Variants in ADGRB3 observed in about 807,000 individuals in gnomAD.
ADGRB3 encodes brain-specific angiogenesis inhibitor 3.
In ADGRB3, 37 loss-of-function variants were observed where a neutral mutation model predicts 193.4. The ratio of observed to expected loss-of-function variants is 0.19; its 90% CI spans 0.15 to 0.25. The LOEUF (loss-of-function observed/expected upper bound fraction) is 0.25. Among genes scored for constraint, ADGRB3 ranks in the 10% least tolerant of loss-of-function variants. The probability of loss-of-function intolerance (pLI) is 1.00; values close to 1 mark genes in which losing one functional copy is unlikely to be tolerated. For missense variants in ADGRB3, 1,637 were observed against 1,852.9 expected (o/e 0.88, Z 2.14); for synonymous variants, 690 against 644.2 (o/e 1.07, Z -1.08).
intron 3 of ADGRB3, among the ~76,000 whole-genome samples, chr6:68,660,547 T>C (rs1020990428): frequency 8.6e-5 from 13 of 151,034 alleles, no homozygotes; most frequent in Non-Finnish European, 1.8e-4. Flanking sequence ...GCCACTCAAA[T>C]TGATATTCCA....
intron 3 of ADGRB3, among the ~76,000 whole-genome samples, chr6:68,808,020 A>G (rs916717773): frequency 6.6e-6 from 1 of 152,200 alleles, no homozygotes; most frequent in Non-Finnish European, 1.5e-5. Context: ...CCTTTAAGAA[A>G]GGACTAAAAT....
At chr6:69,277,302 C>T (rs1046628474) in intron 20 of ADGRB3, among the ~76,000 whole-genome samples, 5 of 151,988 alleles carry the variant, frequency 3.3e-5, no homozygotes, top group Non-Finnish European at 7.4e-5. Flanking sequence ...CCACTCTAGT[C>T]TTTCTTAAGC....
intron 3 of ADGRB3, among the ~76,000 whole-genome samples, chr6:68,661,485 A>ATATATGTGTG (rs1491017462): frequency 1.1e-5 from 1 of 90,632 alleles, no homozygotes; most frequent in African/African-American, 3.8e-5. Flanking sequence ...GTGTATACAT[A>ATATATGTGTG]TATATATGTG....
At chr6:69,040,904 CT>C (rs1771047607) in intron 13 of ADGRB3, among the ~76,000 whole-genome samples, 1 of 152,056 alleles carries the variant, frequency 6.6e-6, no homozygotes, top group South Asian at 2.1e-4. Flanking sequence ...AGTCTGTGTA[CT>C]TTTGAGTATC....
At chr6:68,639,651 T>C (rs906872120) in intron 3 of ADGRB3, among the ~76,000 whole-genome samples, 12 of 152,154 alleles carry the variant, frequency 7.9e-5, no homozygotes, top group African/African-American at 2.9e-4. Flanking sequence ...CAGCATGCGC[T>C]GGAAGTGAGG....
chr6:69,088,987 T>C (rs1350531774), intron 17 of ADGRB3, among the ~76,000 whole-genome samples: 1 of 152,250 alleles, frequency 6.6e-6, no homozygotes, highest in Non-Finnish European at 1.5e-5. Context: ...AATTCTTGTG[T>C]GTTGATATTA....
chr6:68,995,378 T>C (rs1357598874), intron 11 of ADGRB3, among the ~76,000 whole-genome samples: 1 of 152,302 alleles, frequency 6.6e-6, no homozygotes, highest in East Asian at 1.9e-4. Context: ...CTCCATGAAA[T>C]AATCTCTAAC....
In ADGRB3 at chr6:68,898,632, C is replaced by T. The variant is rs1438878843; in HGVS notation, c.758-31927C>T. ...GACATGGACTTCACATAGTGAATTT[C>T]TTCCAAAGAGTACAGTGTGGAAAAG... is the stretch of plus-strand genomic sequence containing the variant. On this transcript the variant is annotated intron_variant, in intron 3 of 31. Transcript: ENST00000370598. Among the ~76,000 whole-genome samples, 7 of 152,080 alleles carry T rather than the reference C, an allele frequency of 4.6e-5. No individual in the cohort carries two copies. In the East Asian group the frequency reaches 1.3e-3, roughly 29 times the overall value.
chr6:68,780,949 G>A (rs991617855), intron 3 of ADGRB3, among the ~76,000 whole-genome samples: 6 of 152,020 alleles, frequency 3.9e-5, no homozygotes, highest in African/African-American at 1.4e-4. Context: ...ATTTTATTCT[G>A]TTTTAGATAG....
chr6:68,639,183 G>T lies in ADGRB3; in HGVS notation c.508G>T (p.Val170Leu), dbSNP rs985419116. The T allele has an allele frequency of 4.3e-6, 7 of 1,614,188 alleles. No individual in the cohort carries two copies. Among genetic ancestry groups the T allele is most frequent in the Non-Finnish European group, 5.9e-6 (7 of 1,180,036 alleles). ...KVSPSQFGCH[V>L]LCTWLESCLK... ...CAGCCCAAGCCAGTTTGGTTGCCATGTATTATGTACTTGGTTGGAGAGCTG... is the reference window on the plus strand; with the variant it reads ...CAGCCCAAGCCAGTTTGGTTGCCATTTATTATGTACTTGGTTGGAGAGCTG... The change falls in exon 3 of 32, where the codon GTA (valine) becomes TTA (leucine). Residue 170 changes from valine to leucine, a missense_variant. Around this residue, in one of 7 missense-constraint regions of ADGRB3, gnomAD observed 365 missense variants for 409.8 expected, o/e 0.89. Transcript: ENST00000370598.
chr6:68,820,737 G>A (rs2127380044), intron 3 of ADGRB3, among the ~76,000 whole-genome samples: 1 of 152,068 alleles, frequency 6.6e-6, no homozygotes, highest in South Asian at 2.1e-4. Flanking sequence ...ATGAGTAAGA[G>A]TATGCATGCA....
Position 68,724,080 on chromosome 6 carries a change from A to G in ADGRB3, c.757+84648A>G, listed in dbSNP as rs544835479. Reference sequence around the variant, plus strand: ...TAGCATGACCGCAGGGTCTCTAATAAAAGTATACATGAAATATTAAAAAAA... The same window carrying G: ...TAGCATGACCGCAGGGTCTCTAATAGAAGTATACATGAAATATTAAAAAAA... On this transcript the variant is annotated intron_variant, in intron 3 of 31. Transcript: ENST00000370598. 1.2e-3 allele frequency among the ~76,000 whole-genome samples: 175 copies of G among 151,620 alleles called. 1 individual carries two copies. The highest frequency in any genetic ancestry group is 1.9e-3 in the Non-Finnish European group (127 of 67,724).
intron 20 of ADGRB3, among the ~76,000 whole-genome samples, chr6:69,288,687 C>A (rs1418569113): frequency 6.6e-6 from 1 of 152,190 alleles, no homozygotes; most frequent in East Asian, 1.9e-4. Context: ...AGCTTCAACA[C>A]TGGTGTACTT....
At chr6:68,738,364 CAA>C (rs141632900) in intron 3 of ADGRB3, among the ~76,000 whole-genome samples, 4,074 of 151,998 alleles carry the variant, frequency 0.027, 166 homozygotes, top group African/African-American at 0.092. Context: ...GATTTTCTGT[CAA>C]AGAGTGACAT....
At chr6:69,210,155 T>TATATATATATATATATG (rs1309120179) in intron 17 of ADGRB3, among the ~76,000 whole-genome samples, 1 of 121,032 alleles carries the variant, frequency 8.3e-6, no homozygotes, top group African/African-American at 3.4e-5. Context: ...ATATCATATA[T>TATATATATATATATATG]ATATATATAT....
At chr6:68,678,147 A>T (rs1465313921) in intron 3 of ADGRB3, among the ~76,000 whole-genome samples, 1 of 152,156 alleles carries the variant, frequency 6.6e-6, no homozygotes, top group East Asian at 1.9e-4. Context: ...GGGCCTGGGT[A>T]CTGTGGCTCA....
At chr6:68,698,261 C>G (rs570547148) in intron 3 of ADGRB3, among the ~76,000 whole-genome samples, 1 of 151,766 alleles carries the variant, frequency 6.6e-6, no homozygotes, top group African/African-American at 2.4e-5. Flanking sequence ...GTTGGTAGTG[C>G]GGAAAACTGG....
intron 31 of ADGRB3, among the ~76,000 whole-genome samples, chr6:69,383,943 G>T (rs1274560583): frequency 6.6e-6 from 1 of 151,916 alleles, no homozygotes; most frequent in Admixed American, 6.6e-5. Context: ...AGTAGATGAC[G>T]TTTGGTCACC....
At chr6:69,186,938 T>C (rs963754503) in intron 17 of ADGRB3, among the ~76,000 whole-genome samples, 1 of 141,192 alleles carries the variant, frequency 7.1e-6, no homozygotes, top group Admixed American at 7.1e-5. Flanking sequence ...TTTTTTTTTG[T>C]TTTTTGTTTT....
Sources: allele counts gnomAD v4.1 joint callset (sites outside exome capture counted in the v4.1 genomes callset), GRCh38; gene constraint gnomAD v4.1.1; regional missense constraint gnomAD v4.1.1; transcripts MANE v1.5; gene names NCBI Gene and HGNC (gene_info 2026-07-23, HGNC 2026-07-21).